AURKA: variants seen among roughly 807,000 people sequenced by gnomAD.
The protein encoded by AURKA is aurora kinase A.
A neutral mutation model predicts 40.9 loss-of-function variants in AURKA; 12 were observed. The observed-to-expected ratio is 0.29, with a 90% CI of 0.19 to 0.48. The LOEUF (loss-of-function observed/expected upper bound fraction) is 0.48, where lower values mean the gene tolerates loss of function less well. AURKA is among the 20% of genes least tolerant of loss of function. The probability of loss-of-function intolerance (pLI) is 0.99; values close to 1 mark genes in which losing one functional copy is unlikely to be tolerated. For synonymous variants in AURKA, 170 were observed against 164.3 expected, an observed-to-expected ratio of 1.03 and a Z score of -0.26; for missense variants, 322 against 462.1, an observed-to-expected ratio of 0.70 and a Z score of 2.78.
intron 6 of AURKA, among the ~76,000 whole-genome samples, chr20:56,375,740 A>C (rs910294471): frequency 1.3e-5 from 2 of 152,222 alleles, no homozygotes; most frequent in African/African-American, 4.8e-5. Context: ...CTGATGCTTT[A>C]ATTGCACACA....
At chr20:56,371,200 T>C (rs144558931) in intron 7 of AURKA, among the ~76,000 whole-genome samples, 4,326 of 152,198 alleles carry the variant, frequency 0.028, 182 homozygotes, top group African/African-American at 0.091. Flanking sequence ...CAGTGGCTCA[T>C]GCCTGTAATG....
At chr20:56,379,934 G>A (rs1985463818) in intron 6 of AURKA, among the ~76,000 whole-genome samples, 1 of 150,134 alleles carries the variant, frequency 6.7e-6, no homozygotes, top group Non-Finnish European at 1.5e-5. Flanking sequence ...CTGCACTCCA[G>A]CCTGGGCGAC....
intron 4 of AURKA, 32 bp downstream of exon 4, chr20:56,384,238 C>T: frequency 1.3e-6 from 2 of 1,545,558 alleles, no homozygotes; most frequent in Non-Finnish European, 1.8e-6. Flanking sequence ...TCTAGTAGAA[C>T]AGTACAGAAC....
intron 5 of AURKA, among the ~76,000 whole-genome samples, chr20:56,381,974 G>C (rs971607996): frequency 2.6e-5 from 4 of 152,090 alleles, no homozygotes; most frequent in African/African-American, 4.8e-5. Context: ...GACCAGCCTG[G>C]CCAACATGGT....
intron 4 of AURKA, among the ~76,000 whole-genome samples, chr20:56,383,770 C>T (rs1385147832): frequency 1.3e-5 from 2 of 152,222 alleles, no homozygotes; most frequent in Non-Finnish European, 2.9e-5. Context: ...CCTCCCGGTA[C>T]ATTCTAGAGT....
Position 56,390,684 on chromosome 20 carries a change from T to C in AURKA, c.-6+1484A>G, listed in dbSNP as rs1231310408. 6.1e-5 allele frequency: 9 copies of C among 147,034 alleles called. 1 individual carries two copies. In the South Asian group the frequency reaches 1.3e-3, roughly 21 times the overall value. 9.1% of individuals were successfully genotyped at this position (147,034 alleles called of 1,614,324 possible). On this transcript the variant is annotated intron_variant, in intron 1 of 8. Coordinates refer to ENST00000395915, the MANE Select transcript of AURKA (RefSeq NM_198437.3). ...TGAGACCCTGTCTCAAAAAAAAAAATTAAGATTACCATTTTACAATTAAGC... is the reference window on the plus strand; with the variant it reads ...TGAGACCCTGTCTCAAAAAAAAAAACTAAGATTACCATTTTACAATTAAGC...
chr20:56,391,891 G>A (rs1987179363), intron 1 of AURKA: 1 of 149,274 alleles, frequency 6.7e-6, no homozygotes, highest in South Asian at 2.1e-4. Flanking sequence ...CCAATCTGAA[G>A]CCCACCCACC....
chr20:56,382,251 T>C (rs1985812452), intron 5 of AURKA, among the ~76,000 whole-genome samples: 1 of 151,234 alleles, frequency 6.6e-6, no homozygotes, highest in African/African-American at 2.4e-5. Flanking sequence ...CAGTGATCAG[T>C]AATGGCAGTA....
chr20:56,387,964 A>G (rs1336485319), intron 2 of AURKA, among the ~76,000 whole-genome samples, 192 bp downstream of exon 2: 1 of 152,198 alleles, frequency 6.6e-6, no homozygotes, highest in Admixed American at 6.5e-5. Flanking sequence ...TTATAAGACA[A>G]AGCAGAACAA....
At position 56,370,112 on chromosome 20, in the gene AURKA, G is replaced by A. The variant is rs765223868; in HGVS notation, c.*46C>T. ...AACTTCAGTAGCATGTTCCTGTCAG[G>A]TTATATGGCAGCCCTGGCTCAAGGA... is the stretch of plus-strand genomic sequence containing the variant. On this transcript the variant is annotated 3_prime_UTR_variant, in exon 9 of 9. Coordinates refer to ENST00000395915, the MANE Select transcript of AURKA (RefSeq NM_198437.3). 2 of 1,604,236 alleles carry A rather than the reference G, an allele frequency of 1.2e-6. No individual in the cohort carries two copies. Among genetic ancestry groups the A allele is most frequent in the Non-Finnish European group, 1.7e-6 (2 of 1,172,752 alleles).
chr20:56,370,688 G>T, intron 7 of AURKA, 29 bp from the exon 8 acceptor site: 1 of 1,613,244 alleles, frequency 6.2e-7, no homozygotes, highest in East Asian at 2.2e-5. Flanking sequence ...TCAGGTTGAT[G>T]TGCTTCTCGT....
intron 3 of AURKA, 88 bp downstream of exon 3, chr20:56,386,169 C>T: frequency 1.3e-6 from 2 of 1,554,028 alleles, no homozygotes; most frequent in Non-Finnish European, 1.8e-6. Context: ...AGCTAAGGCT[C>T]CAAACAATAA....
intron 7 of AURKA, among the ~76,000 whole-genome samples, chr20:56,372,915 C>T (rs1254954377): frequency 1.3e-5 from 2 of 152,214 alleles, no homozygotes; most frequent in Non-Finnish European, 2.9e-5. Context: ...TTGACAGAGG[C>T]AGACTGAAGA....
Position 56,388,210 on chromosome 20 carries a change from G to A in AURKA, c.-5-8C>T, listed in dbSNP as rs200767850. 15 of 1,035,164 alleles carry A rather than the reference G, an allele frequency of 1.4e-5. No homozygotes were observed. The highest frequency in any genetic ancestry group is 1.3e-5 in the Non-Finnish European group (11 of 864,512). 64.1% of individuals were successfully genotyped at this position (1,035,164 alleles called of 1,614,324 possible). On this transcript the variant is annotated splice_region_variant and splice_polypyrimidine_tract_variant and intron_variant, in intron 1 of 8. Transcript: ENST00000395915. ...TAGATCGGTCCATGATGCCTGAAAA[G>A]AAAAAGAAGAACCTTTAATTTGAAC...
rs1274872973 is a variant in AURKA at position 56,370,275 on chromosome 20, C to T, written c.1095G>A (p.Lys365=). The T allele has an allele frequency of 6.2e-7, 1 of 1,614,188 alleles. No homozygotes were observed. Among genetic ancestry groups the T allele is most frequent in the South Asian group, 1.1e-5 (1 of 91,086 alleles). Residue 365 remains lysine, a synonymous_variant, in exon 9 of 9, where the codon AAG becomes AAA. Transcript: ENST00000395915. ...GCATTGGCCTCTGGCTGGGATTATG[C>T]TTCAACAGTCTTGAAATGAGGTCCC... ...GARDLISRLL[K]HNPSQRPMLR...
At chr20:56,385,217 G>A (rs1169444854) in intron 3 of AURKA, among the ~76,000 whole-genome samples, 1 of 152,158 alleles carries the variant, frequency 6.6e-6, no homozygotes, top group East Asian at 1.9e-4. Flanking sequence ...TTCCTCCTCT[G>A]TAAAACTGAG....
intron 6 of AURKA, among the ~76,000 whole-genome samples, chr20:56,376,087 G>A (rs1450666309): frequency 6.6e-6 from 1 of 152,190 alleles, no homozygotes; most frequent in African/African-American, 2.4e-5. Context: ...AGTATAATGT[G>A]TAATTTTGTA....
Position 56,382,986 on chromosome 20 carries a change from G to A in AURKA, c.565C>T (p.Arg189Trp), listed in dbSNP as rs779964295. ...RREVEIQSHL[R>W]HPNILRLYGY... Reference sequence around the variant, plus strand: ...TTGAACATGAACCTGAAAACTCACCGAAGGTGGGACTGTATTTCTACTTCT... The same window carrying A: ...TTGAACATGAACCTGAAAACTCACCAAAGGTGGGACTGTATTTCTACTTCT... Residue 189 changes from arginine (R) to tryptophan (W), a missense_variant and splice_region_variant, in exon 5 of 9, where the codon CGG (arginine) becomes TGG (tryptophan). Coordinates refer to ENST00000395915, the MANE Select transcript of AURKA (RefSeq NM_198437.3). The A allele has an allele frequency of 1.1e-5, 17 of 1,613,568 alleles. No individual in the cohort carries two copies. The highest frequency in any genetic ancestry group is 8.8e-5 in the South Asian group (8 of 91,068).
chr20:56,384,241 T>C (rs753998309), intron 4 of AURKA, 29 bp downstream of exon 4: 2 of 1,564,062 alleles, frequency 1.3e-6, no homozygotes, highest in East Asian at 4.5e-5. Context: ...AGTAGAACAG[T>C]ACAGAACTTT....
Sources: allele counts gnomAD v4.1 joint callset (sites outside exome capture counted in the v4.1 genomes callset), GRCh38; gene constraint gnomAD v4.1.1; transcripts MANE v1.5; gene names NCBI Gene and HGNC (gene_info 2026-07-23, HGNC 2026-07-21).